UPF3B: variants seen among roughly 807,000 people sequenced by gnomAD.
The protein encoded by UPF3B is UPF3B regulator of nonsense mediated mRNA decay.
In UPF3B, 7 loss-of-function variants were observed where a neutral mutation model predicts 40.3. The observed-to-expected ratio is 0.17, with a 90% CI of 0.10 to 0.33. UPF3B has a LOEUF of 0.33. Ranked by LOEUF, UPF3B falls within the 10% of genes least tolerant of loss-of-function variation. The pLI is 1.00. For synonymous variants in UPF3B, 117 were observed against 117.3 expected, an observed-to-expected ratio of 1.00 and a Z score of 0.01; for missense variants, 229 against 358.9, an observed-to-expected ratio of 0.64 and a Z score of 2.93.
At chrX:119,807,042 A>G (rs1400449849) in intron 6 of UPF3B, among the ~76,000 whole-genome samples, 3 of 99,112 alleles carry the variant, frequency 3.0e-5, no homozygotes, top group Non-Finnish European at 5.9e-5. Context: ...AAAAAAAAAA[A>G]AAAAAAAAAG....
chrX:119,848,056 T>C (rs2496217), intron 3 of UPF3B, among the ~76,000 whole-genome samples: 5,482 of 109,016 alleles, frequency 0.05, 308 homozygotes, highest in African/African-American at 0.17. Flanking sequence ...GAGGCAGGCA[T>C]GTCACTTCAG....
chrX:119,833,169 C>T (rs1255505594), downstream of UPF3B, among the ~76,000 whole-genome samples: 1 of 111,657 alleles, frequency 9.0e-6, no homozygotes. Context: ...TCAGTGCCAA[C>T]ACATACTAGG....
intron 3 of UPF3B, among the ~76,000 whole-genome samples, chrX:119,846,433 CA>C (rs1456769517): frequency 9.6e-6 from 1 of 103,815 alleles, no homozygotes; most frequent in African/African-American, 3.5e-5. Flanking sequence ...GAGACTGAGG[CA>C]GGAGAATCAC....
chrX:119,850,026 G>A (rs181660838), intron 3 of UPF3B, among the ~76,000 whole-genome samples: 1 of 104,042 alleles, frequency 9.6e-6, no homozygotes, highest in South Asian at 4.4e-4. Context: ...ATGGTGGCTC[G>A]CACCTGTAAT....
chrX:119,846,505 TAAAAAAAAAAAAA>T (rs780880120), intron 3 of UPF3B, among the ~76,000 whole-genome samples: 1 of 58,092 alleles, frequency 1.7e-5, no homozygotes, highest in Non-Finnish European at 3.7e-5. Context: ...TCGAGCCTGG[TAAAAAAAAAAAAA>T]AAAAAAGAAA....
intron 5 of UPF3B, chrX:119,807,659 T>C (rs2055803271): frequency 4.1e-6 from 2 of 485,330 alleles, no homozygotes; most frequent in Non-Finnish European, 5.1e-6. Flanking sequence ...ATATCTTATA[T>C]ATATTAATAT....
In UPF3B at chrX:119,834,623, T is replaced by C; in HGVS notation, c.*255A>G. On this transcript the variant is annotated 3_prime_UTR_variant, in exon 11 of 11. Coordinates refer to ENST00000276201, the MANE Select transcript of UPF3B (RefSeq NM_080632.3). Reference sequence around the variant, plus strand: ...AATTCCCCCTGCAAATTGCAATGCATGTCCTTGCCGTCACCTTTTTCTGAC... The same window carrying C: ...AATTCCCCCTGCAAATTGCAATGCACGTCCTTGCCGTCACCTTTTTCTGAC... 9.6e-6 allele frequency: 10 copies of C among 1,041,315 alleles called. No homozygotes were observed. The highest frequency in any genetic ancestry group is 1.9e-5 in the African/African-American group (1 of 52,957). 85.8% of individuals were successfully genotyped at this position (1,041,315 alleles called of 1,213,427 possible).
chrX:119,829,686 A>G (rs761045425), downstream of UPF3B, among the ~76,000 whole-genome samples: 18 of 111,162 alleles, frequency 1.6e-4, no homozygotes, highest in Admixed American at 1.5e-3. Context: ...CCTTACCTCT[A>G]TGTAATGTTA....
chrX:119,823,556 C>CTTTT (rs1569459617), intron 3 of UPF3B, among the ~76,000 whole-genome samples: 8 of 42,087 alleles, frequency 1.9e-4, no homozygotes, highest in East Asian at 2.1e-3. Context: ...TCTTTTTTTC[C>CTTTT]TCTTTTTTTT....
rs778553900 is a variant in UPF3B at position 119,837,792 on chromosome X, CTTT to C, written c.1264_1266del (p.Lys422del). 5 of 1,208,836 alleles carry C rather than the reference CTTT, an allele frequency of 4.1e-6. No individual in the cohort carries two copies. In the African/African-American group the frequency reaches 5.3e-5, roughly 13 times the overall value. Reference sequence around the variant, plus strand: ...ATTCGATCTCTCTTGACCACTTCTTCTTTCTTTTCAGTTTTTTCTGAGCTGCCT... The same window carrying C: ...ATTCGATCTCTCTTGACCACTTCTTCCTTTTCAGTTTTTTCTGAGCTGCCT... On this transcript the variant is annotated inframe_deletion, in exon 10 of 11. Coordinates refer to ENST00000276201, the MANE Select transcript of UPF3B (RefSeq NM_080632.3).
intron 7 of UPF3B, among the ~76,000 whole-genome samples, 177 bp from the exon 8 acceptor site, chrX:119,840,861 C>T (rs1224242877): frequency 8.9e-6 from 1 of 111,763 alleles, no homozygotes; most frequent in African/African-American, 3.3e-5. Context: ...CAGATCTGCA[C>T]TGAAGAAATA....
chrX:119,834,839 T>A lies in UPF3B; in HGVS notation c.*39A>T. 8.3e-7 allele frequency: 1 copy of A among 1,210,674 alleles called. No homozygotes were observed. Among genetic ancestry groups the A allele is most frequent in the Non-Finnish European group, 1.1e-6 (1 of 895,500 alleles). ...GATTGCTTAACGTGTGCTCTTTGGC[T>A]GCCTAGACAGTCAGGACACCTAAGG... On this transcript the variant is annotated 3_prime_UTR_variant, in exon 11 of 11. Transcript: ENST00000276201.
At chrX:119,809,343 C>T (rs1038124888) in intron 5 of UPF3B, among the ~76,000 whole-genome samples, 1 of 111,643 alleles carries the variant, frequency 9.0e-6, no homozygotes, top group Non-Finnish European at 1.9e-5. Context: ...GACACAGAGC[C>T]CAACCATATC....
chrX:119,837,615 CAAAAAAAAAAA>C lies in UPF3B; in HGVS notation c.1302+131_1302+141del. 11 of 402,475 alleles carry C rather than the reference CAAAAAAAAAAA, an allele frequency of 2.7e-5. No individual in the cohort carries two copies. In the South Asian group the frequency reaches 4.2e-4, roughly 15 times the overall value. The allele number at this position is 402,475 out of a possible 1,213,427, so 33.2% of individuals were successfully genotyped here. On this transcript the variant is annotated intron_variant, in intron 10 of 10. Transcript: ENST00000276201. ...TGGGCAACATAGTCAGACTCTGTCT[CAAAAAAAAAAA>C]AAAAAAAAAGTTGCAGATGATTAAA...
In UPF3B at chrX:119,843,319, G is replaced by A; in HGVS notation, c.470-18C>T. ...TTCTGGATCTAAATAATCATTTGAGGAAACAGAAAATATAATAGACTTTAA... is the reference window on the plus strand; with the variant it reads ...TTCTGGATCTAAATAATCATTTGAGAAAACAGAAAATATAATAGACTTTAA... On this transcript the variant is annotated intron_variant, in intron 4 of 10. Coordinates refer to ENST00000276201, the MANE Select transcript of UPF3B (RefSeq NM_080632.3). 2 of 1,026,772 alleles carry A rather than the reference G, an allele frequency of 1.9e-6. No homozygotes were observed. Among genetic ancestry groups the A allele is most frequent in the South Asian group, 3.8e-5 (2 of 52,693 alleles). The allele number at this position is 1,026,772 out of a possible 1,213,427, so 84.6% of individuals were successfully genotyped here. A position where few individuals can be genotyped will look rare whatever the true frequency, so the allele number is the denominator to read the frequency against.
chrX:119,846,110 G>C (rs2056227439), intron 3 of UPF3B, among the ~76,000 whole-genome samples: 1 of 110,470 alleles, frequency 9.1e-6, no homozygotes, highest in Non-Finnish European at 1.9e-5. Flanking sequence ...GAGATGAGAG[G>C]ATCACCTGAG....
chrX:119,842,064 T>G (rs775451296), intron 5 of UPF3B, among the ~76,000 whole-genome samples: 2 of 112,085 alleles, frequency 1.8e-5, no homozygotes, highest in Admixed American at 9.5e-5. Flanking sequence ...CATTCTCTTG[T>G]TTTACTGATA....
intron 5 of UPF3B, 99 bp from the exon 6 acceptor site, chrX:119,841,877 T>C (rs2056164739): frequency 1.4e-5 from 9 of 632,784 alleles, no homozygotes; most frequent in Non-Finnish European, 1.8e-5. Context: ...TGGGAAAACA[T>C]GTACACCCCT....
rs191800106 is a variant in UPF3B at position 119,842,043 on chromosome X, A to T, written c.581-265T>A. ...AGTCATTCCCAACTGATGAGAATTA[A>T]GTACTTAGGACATTCTCTTGTTTTA... On this transcript the variant is annotated intron_variant, in intron 5 of 10. Transcript: ENST00000276201. 6.9e-4 allele frequency among the ~76,000 whole-genome samples: 78 copies of T among 112,407 alleles called. 1 individual carries two copies. Among genetic ancestry groups the T allele is most frequent in the African/African-American group, 2.4e-3 (74 of 31,002 alleles).
Sources: allele counts gnomAD v4.1 joint callset (sites outside exome capture counted in the v4.1 genomes callset), GRCh38; gene constraint gnomAD v4.1.1; transcripts MANE v1.5; gene names NCBI Gene and HGNC (gene_info 2026-07-23, HGNC 2026-07-21).